Variants in FREM2 observed in about 807,000 individuals in gnomAD.
The protein encoded by FREM2 is FRAS1-related extracellular matrix protein 2.
FREM2 carries 119 observed loss-of-function variants against 219.9 expected under a neutral mutation model. The ratio of observed to expected loss-of-function variants is 0.54; its 90% CI spans 0.47 to 0.63. The LOEUF is 0.63. Ranked by LOEUF, FREM2 falls within the 30% of genes least tolerant of loss-of-function variation. The pLI, the probability that FREM2 is intolerant of heterozygous loss-of-function variation, is 0.00. For synonymous variants in FREM2, 1,562 were observed against 1,522.8 expected, an observed-to-expected ratio of 1.03 and a Z score of -0.60; for missense variants, 4,030 against 3,993.6, an observed-to-expected ratio of 1.01 and a Z score of -0.25.
Position 38,690,882 on chromosome 13 carries a change from C to T in FREM2, c.3538C>T (p.Pro1180Ser). ...TAACTTTTCAGAGAGACAGTTCTTC[C>T]CCATTGTAATCATTCCCACCAATGA... Reference protein sequence around the residue: ...GINFSERQFFPIVIIPTNDEQ... With the variant: ...GINFSERQFFSIVIIPTNDEQ... Residue 1180 changes from proline (P) to serine (S), a missense_variant, in exon 1 of 24, where the codon CCC becomes TCC. Pro to Ser is a moderately conservative substitution (Grantham distance 74). Around this residue, in one of 2 missense-constraint regions of FREM2, gnomAD observed 3,102 missense variants for 2,950.7 expected, o/e 1.05. Coordinates refer to ENST00000280481, the MANE Select transcript of FREM2 (RefSeq NM_207361.6). 6.2e-7 allele frequency: 1 copy of T among 1,613,998 alleles called. No individual in the cohort carries two copies. Among genetic ancestry groups the T allele is most frequent in the Non-Finnish European group, 8.5e-7 (1 of 1,179,946 alleles).
intron 2 of FREM2, among the ~76,000 whole-genome samples, chr13:38,750,050 C>T (rs1872673955): frequency 6.6e-6 from 1 of 152,126 alleles, no homozygotes; most frequent in Non-Finnish European, 1.5e-5. Context: ...CTAACTTTTA[C>T]CTGTATGTAG....
intron 4 of FREM2, among the ~76,000 whole-genome samples, chr13:38,776,209 T>C (rs1276339941): frequency 6.6e-6 from 1 of 152,194 alleles, no homozygotes; most frequent in Non-Finnish European, 1.5e-5. Context: ...GAGGGCACCA[T>C]AGTGGCCTGA....
chr13:38,853,403 T>G (rs907649826), intron 11 of FREM2, among the ~76,000 whole-genome samples: 2 of 152,174 alleles, frequency 1.3e-5, no homozygotes, highest in African/African-American at 4.8e-5. Flanking sequence ...AAAGTAACTT[T>G]ATGTCCAATA....
intron 2 of FREM2, among the ~76,000 whole-genome samples, chr13:38,750,459 CATTTTTTTTATGGTTG>C (rs1488392730): frequency 7.0e-5 from 2 of 28,594 alleles, no homozygotes; most frequent in African/African-American, 5.0e-4. Context: ...GGCAAGAGTT[CATTTTTTTTATGGTTG>C]AATGATACTC....
chr13:38,801,552 T>C (rs1875008232), intron 6 of FREM2, among the ~76,000 whole-genome samples: 1 of 152,192 alleles, frequency 6.6e-6, no homozygotes, highest in Admixed American at 6.5e-5. Flanking sequence ...ACCTTTGATT[T>C]AAGTGCATGC....
intron 2 of FREM2, among the ~76,000 whole-genome samples, chr13:38,753,932 C>T (rs1165926918): frequency 6.6e-6 from 1 of 151,354 alleles, no homozygotes; most frequent in African/African-American, 2.4e-5. Context: ...CTTTTTGTTG[C>T]AGGGGATCAA....
chr13:38,864,085 T>C (rs1160541565), intron 15 of FREM2, among the ~76,000 whole-genome samples, 190 bp from the exon 16 acceptor site: 2 of 90,602 alleles, frequency 2.2e-5, no homozygotes, highest in African/African-American at 1.3e-4. Flanking sequence ...CACCTAGACC[T>C]CCCAAAGTGC....
At chr13:38,805,269 A>G (rs185351392) in intron 6 of FREM2, among the ~76,000 whole-genome samples, 6 of 151,960 alleles carry the variant, frequency 3.9e-5, no homozygotes, top group Admixed American at 2.0e-4. Context: ...GCTAGAAAGG[A>G]AAGGACTCAC....
chr13:38,823,629 C>T (rs1324358709), intron 6 of FREM2, among the ~76,000 whole-genome samples: 3 of 152,066 alleles, frequency 2.0e-5, no homozygotes, highest in African/African-American at 7.2e-5. Context: ...CATTCATCAG[C>T]TGGCTAACTC....
chr13:38,774,993 G>A (rs1873813988), intron 4 of FREM2, among the ~76,000 whole-genome samples: 1 of 152,124 alleles, frequency 6.6e-6, no homozygotes, highest in South Asian at 2.1e-4. Flanking sequence ...CATTTCTGGT[G>A]GGCCCATGGC....
intron 6 of FREM2, among the ~76,000 whole-genome samples, chr13:38,785,679 G>T (rs779444140): frequency 6.6e-6 from 1 of 152,228 alleles, no homozygotes; most frequent in Non-Finnish European, 1.5e-5. Flanking sequence ...AAGCATGTGA[G>T]AGGTGAAGGT....
rs1301400049 is a variant in FREM2 at position 38,877,180 on chromosome 13, A to T, written c.8608A>T (p.Ser2870Cys). The T allele has an allele frequency of 6.2e-7, 1 of 1,614,098 alleles. No individual in the cohort carries two copies. The highest frequency in any genetic ancestry group is 1.1e-5 in the South Asian group (1 of 91,082). Residue 2870 changes from serine (S) to cysteine (C), a missense_variant, in exon 21 of 24, where the codon AGT (serine) becomes TGT (cysteine). Physicochemically the swap from Ser to Cys is moderately radical, Grantham distance 112. Around this residue, in one of 2 missense-constraint regions of FREM2, gnomAD observed 928 missense variants for 1,042.9 expected, o/e 0.89. Coordinates refer to ENST00000280481, the MANE Select transcript of FREM2 (RefSeq NM_207361.6). ...CCAAATGTACCTGCTCTCTAAGAAG[A>T]GTCTCTGGTTGTCTGATGGATCCAT... Reference protein sequence around the residue: ...NTQMYLLSKKSLWLSDGSMGF... With the variant: ...NTQMYLLSKKCLWLSDGSMGF...
At chr13:38,834,303 A>G (rs1206939443) in intron 6 of FREM2, among the ~76,000 whole-genome samples, 1 of 152,172 alleles carries the variant, frequency 6.6e-6, no homozygotes. Context: ...TTTGCTGAGA[A>G]TGATGATTTC....
intron 16 of FREM2, among the ~76,000 whole-genome samples, chr13:38,867,759 A>T (rs925540289): frequency 6.6e-6 from 1 of 152,242 alleles, no homozygotes; most frequent in Non-Finnish European, 1.5e-5. Flanking sequence ...AGAGTGTCCC[A>T]GCTCCGAGAA....
intron 6 of FREM2, among the ~76,000 whole-genome samples, chr13:38,787,500 C>T (rs1333369661): frequency 6.6e-6 from 1 of 152,016 alleles, no homozygotes; most frequent in Non-Finnish European, 1.5e-5. Flanking sequence ...CACACCTTTT[C>T]TCAGCACAAA....
intron 6 of FREM2, among the ~76,000 whole-genome samples, chr13:38,800,864 A>T (rs771917724): frequency 2.0e-5 from 3 of 152,208 alleles, no homozygotes; most frequent in Non-Finnish European, 4.4e-5. Flanking sequence ...TCCTGACCTC[A>T]GGTGATCTGC....
intron 2 of FREM2, among the ~76,000 whole-genome samples, chr13:38,700,443 C>T (rs1593351611): frequency 6.6e-6 from 1 of 152,194 alleles, no homozygotes; most frequent in Non-Finnish European, 1.5e-5. Flanking sequence ...GGGAAGTCTA[C>T]TGTATTTGGA....
chr13:38,705,409 A>C (rs996684074), intron 2 of FREM2, among the ~76,000 whole-genome samples: 1 of 152,236 alleles, frequency 6.6e-6, no homozygotes. Flanking sequence ...CATTAGAAAC[A>C]TATTAATTAT....
chr13:38,793,470 A>C (rs1184642532), intron 6 of FREM2, among the ~76,000 whole-genome samples: 1 of 152,178 alleles, frequency 6.6e-6, no homozygotes, highest in Non-Finnish European at 1.5e-5. Context: ...CGTGGAACTG[A>C]AAGCTTGGAT....
Sources: allele counts gnomAD v4.1 joint callset (sites outside exome capture counted in the v4.1 genomes callset), GRCh38; gene constraint gnomAD v4.1.1; regional missense constraint gnomAD v4.1.1; transcripts MANE v1.5; gene names NCBI Gene and HGNC (gene_info 2026-07-23, HGNC 2026-07-21).